KAZN: variants seen among roughly 807,000 people sequenced by gnomAD.
KAZN encodes kazrin.
In KAZN, 40 loss-of-function variants were observed where a neutral mutation model predicts 87.4. That is an observed-to-expected ratio of 0.46 (90% CI 0.36 to 0.60). The LOEUF (loss-of-function observed/expected upper bound fraction) is 0.60, where lower values mean the gene tolerates loss of function less well. Ranked by LOEUF, KAZN falls within the 20% of genes least tolerant of loss-of-function variation. The pLI, the probability that KAZN is intolerant of heterozygous loss-of-function variation, is 0.00. For synonymous variants in KAZN, 466 were observed against 458.3 expected, an observed-to-expected ratio of 1.02 and a Z score of -0.22; for missense variants, 898 against 1,073.9, an observed-to-expected ratio of 0.84 and a Z score of 2.29.
In KAZN at chr1:14,188,996, A is replaced by G. The variant is rs1216447852; in HGVS notation, c.249+8404A>G. Among the ~76,000 whole-genome samples the G allele has an allele frequency of 2.0e-5, 3 of 152,160 alleles. No homozygotes were observed. The East Asian group carries it at 5.8e-4, about 29-fold the overall frequency. ...ATACACATTCATATTAAACTCAAAC[A>G]GTCCCATAAGAGTAGCCAGGTAAAT... On this transcript the variant is annotated intron_variant, in intron 2 of 16. Transcript: ENST00000636203.
At chr1:15,093,547 G>A (rs1383682140) in intron 8 of KAZN, among the ~76,000 whole-genome samples, 1 of 152,126 alleles carries the variant, frequency 6.6e-6, no homozygotes, top group African/African-American at 2.4e-5. Context: ...CTGGCCCAGT[G>A]AATCTGCATT....
At chr1:15,020,385 T>C (rs945575589) in intron 2 of KAZN, among the ~76,000 whole-genome samples, 16 of 152,258 alleles carry the variant, frequency 1.1e-4, no homozygotes, top group African/African-American at 3.4e-4. Flanking sequence ...AGATCAAGAA[T>C]AGGACCTCAT....
At chr1:14,846,411 AG>A (rs1333768142) in intron 1 of KAZN, among the ~76,000 whole-genome samples, 5 of 152,126 alleles carry the variant, frequency 3.3e-5, no homozygotes, top group African/African-American at 1.2e-4. Flanking sequence ...GAACCATAAC[AG>A]AGAGGAGGCA....
chr1:15,038,611 T>C (rs1232138379), intron 3 of KAZN, among the ~76,000 whole-genome samples: 1 of 152,144 alleles, frequency 6.6e-6, no homozygotes, highest in Non-Finnish European at 1.5e-5. Context: ...GCACCTACTA[T>C]ATACAGGCAT....
rs1174533539 is a variant in KAZN at position 15,056,851 on chromosome 1, C to T, written c.916+571C>T. 1.3e-5 allele frequency among the ~76,000 whole-genome samples: 2 copies of T among 152,248 alleles called. No individual in the cohort carries two copies. The highest frequency in any genetic ancestry group is 2.9e-5 in the Non-Finnish European group (2 of 68,044). On this transcript the variant is annotated intron_variant, in intron 5 of 14. Transcript: ENST00000376030. This position sits in a 1 kb window ranked among gnomAD's most constrained non-coding sequence, Gnocchi z 5.4. ...GGCCTGTGGACAGCATCTGCACCTA[C>T]TGCCCATGGAACAGGCTCCAAACTT... is the stretch of plus-strand genomic sequence containing the variant.
chr1:14,320,789 C>T (rs896099361), intron 2 of KAZN, among the ~76,000 whole-genome samples: 3 of 152,182 alleles, frequency 2.0e-5, no homozygotes, highest in African/African-American at 7.2e-5. Flanking sequence ...CCTGAAGCTT[C>T]CAGCTACAAA....
chr1:14,048,930 C>A (rs1470670790), intron 1 of KAZN, among the ~76,000 whole-genome samples: 3 of 152,292 alleles, frequency 2.0e-5, no homozygotes, highest in South Asian at 4.1e-4. Flanking sequence ...TCTCCAGCAC[C>A]TGTTGTTTCC....
chr1:14,622,552 G>C (rs906393512), intron 1 of KAZN, among the ~76,000 whole-genome samples: 3 of 151,892 alleles, frequency 2.0e-5, no homozygotes, highest in Non-Finnish European at 4.4e-5. Flanking sequence ...TTAGCCGGGC[G>C]TGGTGGCGGG....
intron 1 of KAZN, among the ~76,000 whole-genome samples, chr1:14,009,830 T>G (rs1476999716): frequency 6.6e-6 from 1 of 152,210 alleles, no homozygotes; most frequent in Non-Finnish European, 1.5e-5. Context: ...ATGTGCAGAA[T>G]GTTGCAGTCA....
intron 1 of KAZN, among the ~76,000 whole-genome samples, chr1:14,179,166 C>A (rs535233497): frequency 1.6e-4 from 25 of 152,296 alleles, no homozygotes; most frequent in African/African-American, 6.0e-4. Context: ...CAAAGGCAAC[C>A]CCTTTGCAGA....
chr1:15,033,499 T>C (rs545827663), intron 2 of KAZN, among the ~76,000 whole-genome samples: 2 of 152,332 alleles, frequency 1.3e-5, no homozygotes, highest in East Asian at 3.9e-4. Context: ...TATCAGACTT[T>C]TCCAAAAGCA....
At chr1:14,231,395 ATT>A (rs59052013) in intron 2 of KAZN, among the ~76,000 whole-genome samples, 38 of 151,350 alleles carry the variant, frequency 2.5e-4, no homozygotes, top group Admixed American at 5.9e-4. Flanking sequence ...GCTCTATCTC[ATT>A]TTTTTTTTTA....
intron 1 of KAZN, among the ~76,000 whole-genome samples, chr1:14,888,188 G>T (rs969601935): frequency 2.0e-5 from 3 of 152,138 alleles, no homozygotes. Flanking sequence ...TCGCCGGAGC[G>T]GTGCTTTCAG....
chr1:14,736,139 TTTCCTGTACATCTGTATTCTCAAAC>T (rs1643890122), intron 1 of KAZN, among the ~76,000 whole-genome samples: 1 of 152,098 alleles, frequency 6.6e-6, no homozygotes, highest in South Asian at 2.1e-4. Flanking sequence ...AAGGAGTGTG[TTTCCTGTACATCTGTATTCTCAAAC>T]TTCCATGTGG....
intron 1 of KAZN, among the ~76,000 whole-genome samples, chr1:14,779,122 G>A (rs1383279591): frequency 1.3e-5 from 2 of 152,110 alleles, no homozygotes; most frequent in East Asian, 1.9e-4. Context: ...TGTGTTCCGC[G>A]AGACAGGGCC....
At chr1:15,047,506 C>T (rs1028863729) in intron 4 of KAZN, among the ~76,000 whole-genome samples, 3 of 152,186 alleles carry the variant, frequency 2.0e-5, no homozygotes, top group Non-Finnish European at 4.4e-5. Flanking sequence ...CGTGGTGTCT[C>T]GTGCCTGTAA....
At chr1:14,292,414 C>T (rs1653778777) in intron 2 of KAZN, among the ~76,000 whole-genome samples, 1 of 152,160 alleles carries the variant, frequency 6.6e-6, no homozygotes, top group South Asian at 2.1e-4. Flanking sequence ...CTTGGGGACC[C>T]TTCCAAGGCT....
At chr1:14,382,809 T>C (rs1463351749) in intron 2 of KAZN, among the ~76,000 whole-genome samples, 2 of 151,438 alleles carry the variant, frequency 1.3e-5, no homozygotes, top group African/African-American at 4.9e-5. Context: ...AGCAGCATGA[T>C]TTATAGTCCT....
chr1:14,505,605 G>A (rs1670539909), intron 2 of KAZN, among the ~76,000 whole-genome samples: 1 of 152,112 alleles, frequency 6.6e-6, no homozygotes, highest in Non-Finnish European at 1.5e-5. Context: ...GAGACAGAAA[G>A]TGGGACAGTA....
Sources: allele counts gnomAD v4.1 joint callset (sites outside exome capture counted in the v4.1 genomes callset), GRCh38; gene constraint gnomAD v4.1.1; non-coding constraint Gnocchi (gnomAD v3.1); transcripts MANE v1.5; gene names NCBI Gene and HGNC (gene_info 2026-07-23, HGNC 2026-07-21).